Variants in MET observed in about 807,000 individuals in gnomAD.
The protein encoded by MET is hepatocyte growth factor receptor.
In MET, 48 loss-of-function variants were observed where a neutral mutation model predicts 133.1. The observed-to-expected ratio is 0.36, with a 90% CI of 0.29 to 0.46. The LOEUF is 0.46. MET is among the 20% of genes least tolerant of loss of function. The pLI is 1.00. For missense variants in MET, 1,442 were observed against 1,695.9 expected, an observed-to-expected ratio of 0.85 and a Z score of 2.63; for synonymous variants, 628 against 616.5, an observed-to-expected ratio of 1.02 and a Z score of -0.28.
At chr7:116,790,008 A>C (rs1031487261) in intron 19 of MET, among the ~76,000 whole-genome samples, 19 of 151,988 alleles carry the variant, frequency 1.3e-4, no homozygotes, top group African/African-American at 4.1e-4. Context: ...CCCTGTGTTC[A>C]TGTGCTCTCA....
Position 116,719,323 on chromosome 7 carries a change from C to T in MET, c.1201-12345C>T, listed in dbSNP as rs1216911284. On this transcript the variant is annotated intron_variant, in intron 2 of 20. Transcript: ENST00000397752. ...GAAGTGTCTGTTCATATCCTTCGCC[C>T]ACTTTTTGATGGGGTTGTTTTTTTC... 2.0e-5 allele frequency among the ~76,000 whole-genome samples: 3 copies of T among 151,580 alleles called. No homozygotes were observed. In the East Asian group the frequency reaches 5.8e-4, roughly 29 times the overall value.
intron 2 of MET, among the ~76,000 whole-genome samples, chr7:116,710,199 T>C (rs1431226697): frequency 6.6e-6 from 1 of 152,176 alleles, no homozygotes; most frequent in African/African-American, 2.4e-5. Flanking sequence ...CAAGTAGAGT[T>C]GGGCATGCAA....
chr7:116,780,347 CA>C (rs1445404260), intron 17 of MET, among the ~76,000 whole-genome samples: 1 of 152,072 alleles, frequency 6.6e-6, no homozygotes, highest in Admixed American at 6.6e-5. Flanking sequence ...GTCAAATTAT[CA>C]GAGAAAATAA....
rs539218108 is a variant in MET, at chr7:116,766,967, C to T, written c.2584-2678C>T. 6.6e-5 allele frequency among the ~76,000 whole-genome samples: 10 copies of T among 152,164 alleles called. 1 individual carries two copies. In the South Asian group the frequency reaches 1.9e-3, roughly 28 times the overall value. On this transcript the variant is annotated intron_variant, in intron 11 of 20. Transcript: ENST00000397752. Reference sequence around the variant, plus strand: ...CAGTTCTGAAGCTGTCTGTGAGGTTCGTTGCTTGGTTCCTAAGTTGAGGGA... The same window carrying T: ...CAGTTCTGAAGCTGTCTGTGAGGTTTGTTGCTTGGTTCCTAAGTTGAGGGA...
chr7:116,750,050 T>C (rs540597455), intron 5 of MET, among the ~76,000 whole-genome samples: 4 of 152,282 alleles, frequency 2.6e-5, no homozygotes, highest in Admixed American at 1.3e-4. Context: ...AAAGCTACCA[T>C]TGACTTTCTT....
Position 116,757,272 on chromosome 7 carries a change from G to A in MET, c.1863-165G>A, listed in dbSNP as rs538522890. 3.9e-5 allele frequency among the ~76,000 whole-genome samples: 6 copies of A among 152,144 alleles called. No individual in the cohort carries two copies. In the East Asian group the frequency reaches 9.7e-4, roughly 24 times the overall value. On this transcript the variant is annotated intron_variant, in intron 6 of 20. Transcript: ENST00000397752. ...TAAAAGTTAAGTTTATCATAGTATAGAAATAGGATTATATAATTTTTGGCC... is the reference window on the plus strand; with the variant it reads ...TAAAAGTTAAGTTTATCATAGTATAAAAATAGGATTATATAATTTTTGGCC...
chr7:116,703,671 T>G (rs1791666457), intron 2 of MET, among the ~76,000 whole-genome samples: 1 of 152,100 alleles, frequency 6.6e-6, no homozygotes, highest in East Asian at 1.9e-4. Flanking sequence ...TATAAGGGAT[T>G]GATTAATGTG....
At chr7:116,733,148 A>C (rs572088455) in intron 3 of MET, among the ~76,000 whole-genome samples, 1 of 152,080 alleles carries the variant, frequency 6.6e-6, no homozygotes, top group East Asian at 1.9e-4. Flanking sequence ...AGAGACATGC[A>C]CTCTAATGGA....
At chr7:116,721,802 A>G (rs1417429880) in intron 2 of MET, among the ~76,000 whole-genome samples, 1 of 152,106 alleles carries the variant, frequency 6.6e-6, no homozygotes, top group Non-Finnish European at 1.5e-5. Flanking sequence ...GTTTTGAGTG[A>G]GATTCTTAAT....
At chr7:116,779,382 G>A (rs1005490088) in intron 17 of MET, among the ~76,000 whole-genome samples, 8 of 152,116 alleles carry the variant, frequency 5.3e-5, no homozygotes, top group African/African-American at 1.9e-4. Context: ...CACACCTCAG[G>A]AACTTTGCAC....
At chr7:116,767,974 A>ATATATGTG (rs1554397514) in intron 11 of MET, among the ~76,000 whole-genome samples, 3 of 140,198 alleles carry the variant, frequency 2.1e-5, no homozygotes, top group African/African-American at 5.3e-5. Context: ...ATATATATAT[A>ATATATGTG]TGTGTGTGTG....
chr7:116,737,947 G>C (rs1164587328), intron 3 of MET, among the ~76,000 whole-genome samples: 1 of 152,148 alleles, frequency 6.6e-6, no homozygotes. Context: ...GAAAAAAAGG[G>C]CTCTAGGAGG....
intron 5 of MET, among the ~76,000 whole-genome samples, chr7:116,746,450 A>G (rs1175669415): frequency 1.3e-5 from 2 of 152,254 alleles, no homozygotes; most frequent in African/African-American, 4.8e-5. Flanking sequence ...AAAGGATTAT[A>G]AAGCATGCTG....
At chr7:116,764,806 G>A (rs889502414) in intron 11 of MET, among the ~76,000 whole-genome samples, 2 of 152,172 alleles carry the variant, frequency 1.3e-5, no homozygotes, top group Non-Finnish European at 2.9e-5. Flanking sequence ...TCTCTAACAA[G>A]TGTATAGCAC....
chr7:116,694,524 C>T (rs984538353), intron 1 of MET, among the ~76,000 whole-genome samples: 4 of 151,984 alleles, frequency 2.6e-5, no homozygotes, highest in Admixed American at 2.0e-4. Flanking sequence ...CACTGATTTT[C>T]CATTTCATCA....
chr7:116,760,366 T>C (rs751721014), intron 10 of MET, among the ~76,000 whole-genome samples: 1 of 152,200 alleles, frequency 6.6e-6, no homozygotes, highest in Non-Finnish European at 1.5e-5. Context: ...TGAATGTTAT[T>C]TGCTGTTTCT....
chr7:116,782,894 GT>G (rs1294932681), intron 18 of MET, among the ~76,000 whole-genome samples: 3 of 152,194 alleles, frequency 2.0e-5, no homozygotes, highest in Non-Finnish European at 4.4e-5. Flanking sequence ...TAAAGTATCA[GT>G]CCCCTGTCAT....
intron 2 of MET, among the ~76,000 whole-genome samples, chr7:116,726,445 A>G (rs80259898): frequency 2.6e-4 from 39 of 151,894 alleles, no homozygotes; most frequent in African/African-American, 8.9e-4. Flanking sequence ...CTGCAGCCTT[A>G]TAGTGTCCAC....
Position 116,741,042 on chromosome 7 carries a change from G to A in MET, c.1701+17G>A, listed in dbSNP as rs1415519001. 2 of 1,609,862 alleles carry A rather than the reference G, an allele frequency of 1.2e-6. No homozygotes were observed. Among genetic ancestry groups the A allele is most frequent in the East Asian group, 4.5e-5 (2 of 44,838 alleles). On this transcript the variant is annotated intron_variant, in intron 5 of 20. Transcript: ENST00000397752. ...ATCTACAAGGTAGGAATCTCTAACA[G>A]CTGGCATACATGTTTTTGTTTGGTG...
Sources: gnomAD v4.1 joint callset for allele counts (sites outside exome capture counted in the v4.1 genomes callset) on GRCh38, gnomAD v4.1.1 for gene constraint, MANE v1.5 for transcripts, NCBI Gene and HGNC (gene_info 2026-07-23, HGNC 2026-07-21) for gene names.